The following DCDC1 variants were observed in gnomAD, a reference collection of about 807,000 sequenced individuals.
DCDC1 encodes doublecortin domain-containing protein 1.
DCDC1 carries 200 observed loss-of-function variants against 178.3 expected under a neutral mutation model. The ratio of observed to expected loss-of-function variants is 1.12; its 90% CI spans 1.00 to 1.26. The LOEUF is 1.26. DCDC1 is among the 50% of genes most tolerant of loss of function. The probability of loss-of-function intolerance (pLI) is 0.00; values close to 1 mark genes in which losing one functional copy is unlikely to be tolerated. For synonymous variants in DCDC1, 690 were observed against 604.8 expected (o/e 1.14, Z -2.07); for missense variants, 1,983 against 1,749.2 (o/e 1.13, Z -2.38).
intron 3 of DCDC1, among the ~76,000 whole-genome samples, chr11:31,323,569 T>C (rs978038940): frequency 9.9e-5 from 15 of 152,184 alleles, no homozygotes; most frequent in African/African-American, 3.6e-4. Flanking sequence ...TCTTGCTTTA[T>C]ATTTTTATGG....
chr11:31,265,096 T>C (rs941264347), intron 8 of DCDC1, among the ~76,000 whole-genome samples: 1 of 152,188 alleles, frequency 6.6e-6, no homozygotes, highest in Non-Finnish European at 1.5e-5. Flanking sequence ...GTTTGGTATG[T>C]TTGTTACATT....
intron 9 of DCDC1, among the ~76,000 whole-genome samples, chr11:31,153,785 AACACAC>A (rs141063677): frequency 1.7e-4 from 23 of 132,694 alleles, no homozygotes; most frequent in African/African-American, 5.2e-4. Context: ...TCAGTCTTAA[AACACAC>A]ACACACACAC....
intron 10 of DCDC1, 129 bp from the exon 11 acceptor site, chr11:31,127,768 C>T (rs772277039): frequency 3.1e-5 from 18 of 573,942 alleles, no homozygotes; most frequent in Non-Finnish European, 4.6e-5. Context: ...ACAGATCTAT[C>T]CTCAAGTAAA....
chr11:30,903,606 G>C lies in DCDC1; in HGVS notation c.4386C>G (p.Ile1462Met), dbSNP rs763363858. Residue 1462 changes from isoleucine (I) to methionine (M), a missense_variant, in exon 32 of 39, where the codon ATC (isoleucine) becomes ATG (methionine). Physicochemically the swap from Ile to Met is conservative, Grantham distance 10. Coordinates refer to ENST00000684477, the MANE Select transcript of DCDC1 (RefSeq NM_001387274.1). ...SKVYTKDGTPIFTLRDLVLWA... is the reference protein window; with the variant it reads ...SKVYTKDGTPMFTLRDLVLWA... The stretch of plus-strand genomic sequence containing the variant: ...ATAAAACCAAATCACGCAAGGTAAA[G>C]ATTGGGGTTCCATCTTTGGTATATA... 1 of 1,611,112 alleles carries C rather than the reference G, an allele frequency of 6.2e-7. No individual in the cohort carries two copies. The highest frequency in any genetic ancestry group is 8.5e-7 in the Non-Finnish European group (1 of 1,178,742).
intron 20 of DCDC1, among the ~76,000 whole-genome samples, chr11:30,979,385 G>A (rs1246098158): frequency 6.6e-6 from 1 of 152,066 alleles, no homozygotes; most frequent in Non-Finnish European, 1.5e-5. Flanking sequence ...TTAAAATCAG[G>A]TAGGTATTTA....
intron 20 of DCDC1, among the ~76,000 whole-genome samples, chr11:31,011,462 T>C (rs1952161726): frequency 6.6e-6 from 1 of 152,174 alleles, no homozygotes; most frequent in African/African-American, 2.4e-5. Context: ...GATATGGATA[T>C]GCAATTCACC....
intron 18 of DCDC1, among the ~76,000 whole-genome samples, chr11:31,070,627 A>G (rs1359605143): frequency 6.6e-6 from 1 of 152,216 alleles, no homozygotes; most frequent in Non-Finnish European, 1.5e-5. Context: ...TCCATAACAG[A>G]GAAGTTTTCC....
At chr11:31,070,163 A>C (rs749355343) in intron 18 of DCDC1, among the ~76,000 whole-genome samples, 1 of 152,184 alleles carries the variant, frequency 6.6e-6, no homozygotes, top group African/African-American at 2.4e-5. Flanking sequence ...ACAGTTATTC[A>C]GTGTTATCTA....
intron 34 of DCDC1, among the ~76,000 whole-genome samples, chr11:30,897,898 G>C (rs1264459711): frequency 6.6e-6 from 1 of 152,122 alleles, no homozygotes; most frequent in Non-Finnish European, 1.5e-5. Flanking sequence ...TTCAAAGTGG[G>C]ATAAACCACA....
chr11:31,327,555 A>G (rs1368812535), intron 3 of DCDC1, among the ~76,000 whole-genome samples: 3 of 152,166 alleles, frequency 2.0e-5, no homozygotes, highest in Non-Finnish European at 4.4e-5. Flanking sequence ...ACTACCTGCC[A>G]TTATCGTTAT....
At chr11:31,021,635 G>T (rs1376103043) in intron 20 of DCDC1, among the ~76,000 whole-genome samples, 1 of 152,102 alleles carries the variant, frequency 6.6e-6, no homozygotes, top group Non-Finnish European at 1.5e-5. Context: ...GGGAAGGTAG[G>T]GGACTGTGTA....
Position 30,881,226 on chromosome 11 carries a change from G to C in DCDC1, c.5165C>G (p.Ser1722Cys). Residue 1722 changes from serine to cysteine, a missense_variant, in exon 37 of 39, where the codon TCC becomes TGC. Coordinates refer to ENST00000684477, the MANE Select transcript of DCDC1 (RefSeq NM_001387274.1). The part of the protein sequence containing the change: ...LYTPSGEPIQ[S>C]WDDIERDMVI... ...CATATCTCGCTCTATGTCGTCCCAG[G>C]ACTGAATTGGCTCTCCACTGGGGGT... The C allele has an allele frequency of 6.2e-7, 1 of 1,613,544 alleles. No individual in the cohort carries two copies. The highest frequency in any genetic ancestry group is 1.7e-5 in the Admixed American group (1 of 59,956).
Position 30,915,787 on chromosome 11 carries a change from T to G in DCDC1, c.3453-76A>C. 6.8e-6 allele frequency: 10 copies of G among 1,476,350 alleles called. No homozygotes were observed. The South Asian group carries it at 1.2e-4, about 18-fold the overall frequency. 91.5% of individuals were successfully genotyped at this position (1,476,350 alleles called of 1,614,324 possible). On this transcript the variant is annotated intron_variant, in intron 26 of 38. Coordinates refer to ENST00000684477, the MANE Select transcript of DCDC1 (RefSeq NM_001387274.1). The stretch of plus-strand genomic sequence containing the variant: ...ATCATGCACTTGATGTGCTGGAGAT[T>G]ATAAGTTCTGTTGGTGAGAGCTCCA...
At chr11:30,927,505 T>C (rs1946660188) in intron 22 of DCDC1, among the ~76,000 whole-genome samples, 1 of 152,036 alleles carries the variant, frequency 6.6e-6, no homozygotes, top group Non-Finnish European at 1.5e-5. Flanking sequence ...CTGTTAACAG[T>C]TGAGGAAAAC....
In DCDC1 at chr11:30,930,001, G is replaced by A. The variant is rs567217302; in HGVS notation, c.2897+1770C>T. Among the ~76,000 whole-genome samples the A allele has an allele frequency of 2.0e-5, 3 of 152,026 alleles. No individual in the cohort carries two copies. The South Asian group carries it at 6.2e-4, about 32-fold the overall frequency. Reference sequence around the variant, plus strand: ...CCAGTAAATTATTAAATAGCTAAAGGACAGCATGTTACTAGGGCAAGATTT... The same window carrying A: ...CCAGTAAATTATTAAATAGCTAAAGAACAGCATGTTACTAGGGCAAGATTT... On this transcript the variant is annotated intron_variant, in intron 22 of 38. Transcript: ENST00000684477.
chr11:31,179,604 T>C (rs1591323092), intron 9 of DCDC1, among the ~76,000 whole-genome samples: 1 of 152,324 alleles, frequency 6.6e-6, no homozygotes, highest in Admixed American at 6.5e-5. Flanking sequence ...CTCACTCCTA[T>C]GTGGGATCTT....
Position 30,920,811 on chromosome 11 carries a change from ATCT to A in DCDC1, c.3255_3257del (p.Glu1085del). The A allele has an allele frequency of 6.2e-7, 1 of 1,613,630 alleles. No individual in the cohort carries two copies. Among genetic ancestry groups the A allele is most frequent in the Non-Finnish European group, 8.5e-7 (1 of 1,179,758 alleles). The stretch of plus-strand genomic sequence containing the variant: ...TGGAAGCATTTTCCGTTGTTAGAGG[ATCT>A]TCTTGCATTTGCTTTTCTTCCGGTT... On this transcript the variant is annotated inframe_deletion, in exon 25 of 39. Transcript: ENST00000684477.
intron 20 of DCDC1, among the ~76,000 whole-genome samples, chr11:31,052,445 C>G (rs953984909): frequency 2.0e-5 from 3 of 152,074 alleles, no homozygotes; most frequent in Admixed American, 2.0e-4. Flanking sequence ...GACAGGTTTT[C>G]AAGACAGAAA....
At chr11:30,909,191 A>G in intron 28 of DCDC1, 75 bp from the exon 29 acceptor site, 6 of 1,317,274 alleles carry the variant, frequency 4.6e-6, no homozygotes, top group Non-Finnish European at 5.1e-6. Context: ...CATTGCATAT[A>G]TCCAGAAAGT....
Sources: gnomAD v4.1 joint callset for allele counts (sites outside exome capture counted in the v4.1 genomes callset) on GRCh38, gnomAD v4.1.1 for gene constraint, MANE v1.5 for transcripts, NCBI Gene and HGNC (gene_info 2026-07-23, HGNC 2026-07-21) for gene names.